CEP250: variants seen among roughly 807,000 people sequenced by gnomAD.
CEP250 encodes the protein centrosome-associated protein CEP250.
A neutral mutation model predicts 315.7 loss-of-function variants in CEP250; 242 were observed. The observed-to-expected ratio is 0.77, with a 90% CI of 0.69 to 0.85. The LOEUF (loss-of-function observed/expected upper bound fraction) is 0.85. Among genes scored for constraint, CEP250 ranks in the 40% least tolerant of loss-of-function variants. The pLI, the probability that CEP250 is intolerant of heterozygous loss-of-function variation, is 0.00. For synonymous variants in CEP250, 1,088 were observed against 1,175.0 expected, an observed-to-expected ratio of 0.93 and a Z score of 1.51; for missense variants, 2,515 against 2,886.4, an observed-to-expected ratio of 0.87 and a Z score of 2.95.
chr20:35,487,424 C>T (rs1370086033), intron 20 of CEP250, among the ~76,000 whole-genome samples: 2 of 151,900 alleles, frequency 1.3e-5, no homozygotes, highest in Non-Finnish European at 2.9e-5. Context: ...GAGCCAAGAT[C>T]GCACCACTGC....
Position 35,467,524 on chromosome 20 carries a change from G to C in CEP250, c.820G>C (p.Gly274Arg). The C allele has an allele frequency of 6.2e-7, 1 of 1,614,074 alleles. No individual in the cohort carries two copies. Among genetic ancestry groups the C allele is most frequent in the Non-Finnish European group, 8.5e-7 (1 of 1,180,028 alleles). Reference sequence around the variant, plus strand: ...GGAGTTAATACAGCTGAAGAGTCAAGGGGATCTGGAGAAGGCTGAACTTCA... The same window carrying C: ...GGAGTTAATACAGCTGAAGAGTCAACGGGATCTGGAGAAGGCTGAACTTCA... ...SQELIQLKSQ[G>R]DLEKAELQDR... The change falls in exon 9 of 35, where the codon GGG (glycine) becomes CGG (arginine). Residue 274 changes from glycine to arginine, a missense_variant. Transcript: ENST00000397527.
intron 4 of CEP250, among the ~76,000 whole-genome samples, chr20:35,462,901 AC>A (rs1237619235): frequency 6.6e-6 from 1 of 152,156 alleles, no homozygotes; most frequent in East Asian, 1.9e-4. Flanking sequence ...ATCTGGGACC[AC>A]AGGTGTACAC....
At chr20:35,456,489 C>T (rs539728107) in intron 1 of CEP250, among the ~76,000 whole-genome samples, 1 of 152,200 alleles carries the variant, frequency 6.6e-6, no homozygotes, top group African/African-American at 2.4e-5. Context: ...AGAACTGGTC[C>T]CAGATTTATA....
intron 9 of CEP250, among the ~76,000 whole-genome samples, chr20:35,468,189 TC>T (rs1282134956): frequency 6.6e-6 from 1 of 152,026 alleles, no homozygotes; most frequent in Non-Finnish European, 1.5e-5. Flanking sequence ...CCTCAAGTGA[TC>T]CACCTGCCTC....
chr20:35,476,430 A>G lies in CEP250; in HGVS notation c.1717-19A>G, dbSNP rs770794587. The G allele has an allele frequency of 6.2e-7, 1 of 1,606,626 alleles. No individual in the cohort carries two copies. The highest frequency in any genetic ancestry group is 1.3e-5 in the African/African-American group (1 of 74,928). On this transcript the variant is annotated intron_variant, in intron 15 of 34. Transcript: ENST00000397527. The stretch of plus-strand genomic sequence containing the variant: ...GAAAATTGGAAATATGAAACTCTTT[A>G]ATCCTTTTTGTTTTTTAGGCAGAGC...
In CEP250 at chr20:35,505,021, G is replaced by A. The variant is rs1460540560; in HGVS notation, c.6636+16G>A. The A allele has an allele frequency of 1.9e-6, 3 of 1,578,988 alleles. No homozygotes were observed. The highest frequency in any genetic ancestry group is 1.3e-5 in the African/African-American group (1 of 74,192). On this transcript the variant is annotated intron_variant, in intron 30 of 34. Coordinates refer to ENST00000397527, the MANE Select transcript of CEP250 (RefSeq NM_007186.6). ...AAGGCTGCAGGTAAGTCACTCCATG[G>A]GGAGTAAGGGCCAGGGGACACACCC...
rs977837059 is a variant in CEP250 at position 35,504,113 on chromosome 20, A to G, written c.5744A>G (p.Gln1915Arg). 11 of 1,613,282 alleles carry G rather than the reference A, an allele frequency of 6.8e-6. No homozygotes were observed. The highest frequency in any genetic ancestry group is 1.3e-5 in the African/African-American group (1 of 74,928). The stretch of plus-strand genomic sequence containing the variant: ...CAGCAGCAGTGTGCTGAGCAGGCAC[A>G]GGAGCATGAGGTGGAGACCAGGGCC... ...ALQQQCAEQA[Q>R]EHEVETRALQ... Residue 1915 changes from glutamine to arginine, a missense_variant, in exon 30 of 35, where the codon CAG becomes CGG. By Grantham distance (43) the Gln-to-Arg change is conservative. Coordinates refer to ENST00000397527, the MANE Select transcript of CEP250 (RefSeq NM_007186.6).
intron 15 of CEP250, 101 bp from the exon 16 acceptor site, chr20:35,476,348 C>A: frequency 9.0e-7 from 1 of 1,115,470 alleles, no homozygotes; most frequent in Non-Finnish European, 1.3e-6. Context: ...GGAGTATTAA[C>A]TGATCTCTGT....
Position 35,513,286 on chromosome 20 carries a change from C to T in CEP250, c.*1660C>T, listed in dbSNP as rs1334021094. Reference sequence around the variant, plus strand: ...TTTTTTTTTTTGAGACAGAGTTTTGCTCTTGTTGCCCAGGCTGGAGTGCAG... The same window carrying T: ...TTTTTTTTTTTGAGACAGAGTTTTGTTCTTGTTGCCCAGGCTGGAGTGCAG... On this transcript the variant is annotated 3_prime_UTR_variant, in exon 35 of 35. Coordinates refer to ENST00000397527, the MANE Select transcript of CEP250 (RefSeq NM_007186.6). 3 of 149,254 alleles carry T rather than the reference C, an allele frequency of 2.0e-5. No individual in the cohort carries two copies. The highest frequency in any genetic ancestry group is 7.5e-5 in the African/African-American group (3 of 40,130). The allele number at this position is 149,254 out of a possible 1,614,324, so 9.2% of individuals were successfully genotyped here. A position where few individuals can be genotyped will look rare whatever the true frequency, so the allele number is the denominator to read the frequency against.
chr20:35,457,695 A>T (rs1254458655), intron 1 of CEP250, among the ~76,000 whole-genome samples: 1 of 152,120 alleles, frequency 6.6e-6, no homozygotes, highest in Non-Finnish European at 1.5e-5. Context: ...GCTACTCAGG[A>T]GGCTGAGACA....
At position 35,489,181 on chromosome 20, in the gene CEP250, C is replaced by G. The variant is rs112511428; in HGVS notation, c.2587-1456C>G. On this transcript the variant is annotated intron_variant, in intron 20 of 34. Transcript: ENST00000397527. ...CCAGCCTGGGCGATAGAGTGAGACT[C>G]TGTCTCAAAAAAAAAAAAAAAGTGC... Among the ~76,000 whole-genome samples the G allele has an allele frequency of 7.4e-3, 982 of 132,230 alleles. 7 individuals are homozygous for G. The highest frequency in any genetic ancestry group is 0.013 in the Admixed American group (178 of 13,240). 86.7% of individuals were successfully genotyped at this position (132,230 alleles called of 152,430 possible).
At chr20:35,505,100 G>C (rs2064148475) in intron 30 of CEP250, 95 bp downstream of exon 30, 1 of 1,068,152 alleles carries the variant, frequency 9.4e-7, no homozygotes. Flanking sequence ...TGGCACCTCA[G>C]GGGTATGAGA....
rs2063836041 is a variant in CEP250, at chr20:35,496,451, C to T, written c.3168-126C>T. On this transcript the variant is annotated intron_variant, in intron 24 of 34. Coordinates refer to ENST00000397527, the MANE Select transcript of CEP250 (RefSeq NM_007186.6). ...CAATAAATGATAGCTTTTATTGTTA[C>T]ATCATAATCATTATCATTACTATTT... The T allele has an allele frequency of 1.5e-5, 13 of 855,540 alleles. No individual in the cohort carries two copies. In the South Asian group the frequency reaches 2.6e-4, roughly 17 times the overall value. The allele number at this position is 855,540 out of a possible 1,614,324, so 53.0% of individuals were successfully genotyped here. A position where few individuals can be genotyped will look rare whatever the true frequency, so the allele number is the denominator to read the frequency against.
rs377013576 is a variant in CEP250 at position 35,498,028 on chromosome 20, G to T, written c.3616G>T (p.Gly1206Trp). 14 of 1,598,440 alleles carry T rather than the reference G, an allele frequency of 8.8e-6. No homozygotes were observed. In the East Asian group the frequency reaches 3.2e-4, roughly 36 times the overall value. The change falls in exon 26 of 35, where the codon GGG becomes TGG. Residue 1206 changes from glycine (G) to tryptophan (W), a missense_variant. Transcript: ENST00000397527. ...VCESRPELSG[G>W]GDSAPSVWGL... ...TGAGAGCAGGCCTGAGCTGAGTGGT[G>T]GGGGAGACTCTGCTCCTTCCGTCTG... is the stretch of plus-strand genomic sequence containing the variant.
At position 35,502,863 on chromosome 20, in the gene CEP250, G is replaced by A; in HGVS notation, c.4494G>A (p.Glu1498=). 2 of 1,614,238 alleles carry A rather than the reference G, an allele frequency of 1.2e-6. No individual in the cohort carries two copies. The highest frequency in any genetic ancestry group is 1.7e-6 in the Non-Finnish European group (2 of 1,180,050). ...AGCATCTGCCCATGGCCGTCCAGGAGCGAGAGCAGAAGCTGACTGTGCAGA... is the reference window on the plus strand; with the variant it reads ...AGCATCTGCCCATGGCCGTCCAGGAACGAGAGCAGAAGCTGACTGTGCAGA... ...VLEHLPMAVQ[E]REQKLTVQRE... is the part of the protein sequence containing the mutation. Residue 1498 remains glutamate, a synonymous_variant, in exon 30 of 35, where the codon GAG becomes GAA. Coordinates refer to ENST00000397527, the MANE Select transcript of CEP250 (RefSeq NM_007186.6).
Position 35,462,286 on chromosome 20 carries a change from C to A in CEP250, c.-82C>A. On this transcript the variant is annotated 5_prime_UTR_variant, in exon 4 of 35. Transcript: ENST00000397527. ...CCAGTTCAAGAGGAGGTTGAAGTGG[C>A]ATGGCAATGGTTAGAGACCCTGCTG... 2 of 1,112,032 alleles carry A rather than the reference C, an allele frequency of 1.8e-6. No homozygotes were observed. Among genetic ancestry groups the A allele is most frequent in the Non-Finnish European group, 2.6e-6 (2 of 780,358 alleles). 68.9% of individuals were successfully genotyped at this position (1,112,032 alleles called of 1,614,324 possible).
chr20:35,461,982 A>G (rs970870153), intron 3 of CEP250, among the ~76,000 whole-genome samples: 5 of 152,230 alleles, frequency 3.3e-5, no homozygotes, highest in African/African-American at 1.2e-4. Context: ...GACTAAGAAC[A>G]CCTTCAGCGA....
At chr20:35,457,355 T>G (rs2062653225) in intron 1 of CEP250, among the ~76,000 whole-genome samples, 1 of 152,066 alleles carries the variant, frequency 6.6e-6, no homozygotes, top group African/African-American at 2.4e-5. Context: ...ACTAGTGTTA[T>G]GTGGAGAGGT....
At chr20:35,496,838 G>C in intron 25 of CEP250, 123 bp downstream of exon 25, 1 of 1,087,352 alleles carries the variant, frequency 9.2e-7, no homozygotes, top group Non-Finnish European at 1.3e-6. Context: ...TTACAGGATA[G>C]GCTGGTGCCT....
Sources: gnomAD v4.1 joint callset for allele counts (sites outside exome capture counted in the v4.1 genomes callset) on GRCh38, gnomAD v4.1.1 for gene constraint, MANE v1.5 for transcripts, NCBI Gene and HGNC (gene_info 2026-07-23, HGNC 2026-07-21) for gene names.